FMNL2: variants seen among roughly 807,000 people sequenced by gnomAD.
The protein encoded by FMNL2 is formin like 2.
In FMNL2, 51 loss-of-function variants were observed where a neutral mutation model predicts 130.2. The ratio of observed to expected loss-of-function variants is 0.39; its 90% confidence interval spans 0.31 to 0.49. FMNL2 has a LOEUF of 0.49. Ranked by LOEUF, FMNL2 falls within the 20% of genes least tolerant of loss-of-function variation. The pLI, the probability that FMNL2 is intolerant of heterozygous loss-of-function variation, is 0.85. For missense variants in FMNL2, 977 were observed against 1,316.2 expected (o/e 0.74, Z 3.99); for synonymous variants, 465 against 467.1 (o/e 1.00, Z 0.06).
chr2:152,374,918 C>T (rs778323255), intron 1 of FMNL2, among the ~76,000 whole-genome samples: 1 of 152,096 alleles, frequency 6.6e-6, no homozygotes, highest in Admixed American at 6.5e-5. Context: ...GGTGTGAGTT[C>T]GTGGTATGTA....
intron 5 of FMNL2, 138 bp downstream of exon 5, chr2:152,558,961 T>G (rs2105586746): frequency 1.4e-6 from 1 of 702,330 alleles, no homozygotes; most frequent in East Asian, 2.8e-5. Context: ...TTGTTTCTGT[T>G]TGGGTAACTA....
At chr2:152,365,838 T>C (rs1441474211) in intron 1 of FMNL2, among the ~76,000 whole-genome samples, 1 of 151,980 alleles carries the variant, frequency 6.6e-6, no homozygotes, top group Non-Finnish European at 1.5e-5. Flanking sequence ...ATAAGATAGG[T>C]GTCTGGAAGA....
At chr2:152,522,049 T>G (rs1237643098) in intron 2 of FMNL2, 23 bp downstream of exon 2, 1 of 1,582,444 alleles carries the variant, frequency 6.3e-7, no homozygotes, top group South Asian at 1.2e-5. Context: ...GACACTTTCT[T>G]TTATGAAAAA....
chr2:152,610,537 T>G (rs993161054), intron 10 of FMNL2, among the ~76,000 whole-genome samples: 1 of 152,228 alleles, frequency 6.6e-6, no homozygotes, highest in Non-Finnish European at 1.5e-5. Context: ...ATGTTTTGTA[T>G]GAATGGAATC....
chr2:152,556,972 A>T (rs918580592), intron 4 of FMNL2, among the ~76,000 whole-genome samples: 1 of 152,064 alleles, frequency 6.6e-6, no homozygotes, highest in East Asian at 1.9e-4. Flanking sequence ...TAGGCCACCA[A>T]TGGAAAAGCC....
chr2:152,408,187 G>A (rs920331816), intron 1 of FMNL2, among the ~76,000 whole-genome samples: 1 of 152,158 alleles, frequency 6.6e-6, no homozygotes, highest in Non-Finnish European at 1.5e-5. Flanking sequence ...TAGATATTGA[G>A]TAGTTGTGAT....
chr2:152,480,817 A>G (rs1448996015), intron 1 of FMNL2, among the ~76,000 whole-genome samples: 3 of 152,148 alleles, frequency 2.0e-5, no homozygotes, highest in Non-Finnish European at 4.4e-5. Flanking sequence ...TAAAAAATGT[A>G]TCACCAGCCT....
At chr2:152,376,139 C>A (rs1375679141) in intron 1 of FMNL2, among the ~76,000 whole-genome samples, 1 of 152,016 alleles carries the variant, frequency 6.6e-6, no homozygotes, top group Non-Finnish European at 1.5e-5. Context: ...AGTGATCCAA[C>A]CCCCCTTGAC....
chr2:152,366,834 T>C (rs1268264788), intron 1 of FMNL2, among the ~76,000 whole-genome samples: 1 of 151,958 alleles, frequency 6.6e-6, no homozygotes, highest in African/African-American at 2.4e-5. Flanking sequence ...GGCTTGGTGG[T>C]GTGTACCTGT....
At position 152,367,422 on chromosome 2, in the gene FMNL2, G is replaced by A. The variant is rs141718534; in HGVS notation, c.117+31702G>A. On this transcript the variant is annotated intron_variant, in intron 1 of 25. Transcript: ENST00000288670. ...CTCCGAATAAGGCTGAAAAAATGTG[G>A]GATTATCACATTTAAGAGGGCCCTG... is the stretch of plus-strand genomic sequence containing the variant. 2.1e-3 allele frequency among the ~76,000 whole-genome samples: 324 copies of A among 152,108 alleles called. 1 individual carries two copies. The highest frequency in any genetic ancestry group is 7.5e-3 in the African/African-American group (313 of 41,478).
At chr2:152,595,107 AC>A (rs1697689991) in intron 9 of FMNL2, among the ~76,000 whole-genome samples, 1 of 152,200 alleles carries the variant, frequency 6.6e-6, no homozygotes, top group Non-Finnish European at 1.5e-5. Context: ...CAATAACTGT[AC>A]TAGCAACACA....
chr2:152,391,507 A>G (rs1685105450), intron 1 of FMNL2, among the ~76,000 whole-genome samples: 1 of 151,968 alleles, frequency 6.6e-6, no homozygotes, highest in Admixed American at 6.6e-5. Flanking sequence ...ATTGGGATGG[A>G]GAAAGGAAGG....
At chr2:152,543,610 G>T (rs1347960763) in intron 3 of FMNL2, among the ~76,000 whole-genome samples, 3 of 151,000 alleles carry the variant, frequency 2.0e-5, no homozygotes, top group African/African-American at 7.3e-5. Flanking sequence ...CTTGAGAAAA[G>T]AATGGTATAC....
At chr2:152,426,979 TC>T (rs1687231867) in intron 1 of FMNL2, among the ~76,000 whole-genome samples, 1 of 152,226 alleles carries the variant, frequency 6.6e-6, no homozygotes, top group Non-Finnish European at 1.5e-5. Context: ...CCCGTTGGTC[TC>T]TACCTCATGG....
chr2:152,413,089 TATAAAAC>T (rs1183559373), intron 1 of FMNL2, among the ~76,000 whole-genome samples: 17 of 152,224 alleles, frequency 1.1e-4, no homozygotes, highest in African/African-American at 4.1e-4. Context: ...AGTTAACAGA[TATAAAAC>T]ATAAAAGATA....
chr2:152,477,486 C>A (rs1427228862), intron 1 of FMNL2, among the ~76,000 whole-genome samples: 1 of 152,142 alleles, frequency 6.6e-6, no homozygotes, highest in Non-Finnish European at 1.5e-5. Flanking sequence ...AAACTTGTTT[C>A]TTCTTCCTTG....
chr2:152,620,096 C>A (rs949443735), intron 15 of FMNL2, among the ~76,000 whole-genome samples: 2 of 151,920 alleles, frequency 1.3e-5, no homozygotes, highest in Non-Finnish European at 2.9e-5. Flanking sequence ...TAGGCACAGA[C>A]ATTGAGTGCT....
At chr2:152,575,332 C>A in intron 7 of FMNL2, 88 bp downstream of exon 7, 2 of 741,182 alleles carry the variant, frequency 2.7e-6, no homozygotes, top group South Asian at 2.3e-5. Context: ...ACCGCTTGGG[C>A]GAAGGGTACA....
At chr2:152,442,374 C>G (rs1688099565) in intron 1 of FMNL2, among the ~76,000 whole-genome samples, 1 of 151,890 alleles carries the variant, frequency 6.6e-6, no homozygotes, top group South Asian at 2.1e-4. Context: ...GCCTCAACCT[C>G]CCTAGTAGCT....
Sources: allele counts gnomAD v4.1 joint callset (sites outside exome capture counted in the v4.1 genomes callset), GRCh38; gene constraint gnomAD v4.1.1; transcripts MANE v1.5; gene names NCBI Gene and HGNC (gene_info 2026-07-23, HGNC 2026-07-21).